Variants in SLC37A3 observed in about 807,000 individuals in gnomAD.
SLC37A3 encodes solute carrier family 37 member 3.
Under a neutral mutation model 67.1 loss-of-function variants are expected in SLC37A3, and 51 were observed. The ratio of observed to expected loss-of-function variants is 0.76; its 90% CI spans 0.61 to 0.96. The LOEUF is 0.96. Ranked by LOEUF, SLC37A3 falls within the 40% of genes least tolerant of loss-of-function variation. The pLI is 0.00. For missense variants in SLC37A3, 508 were observed against 603.0 expected (o/e 0.84, Z 1.65); for synonymous variants, 214 against 231.4 (o/e 0.92, Z 0.68).
intron 2 of SLC37A3, among the ~76,000 whole-genome samples, chr7:140,382,030 A>G (rs1384209847): frequency 6.9e-6 from 1 of 145,432 alleles, no homozygotes; most frequent in African/African-American, 2.5e-5. Flanking sequence ...AAAAAAAAAA[A>G]GTGAGATATG....
In SLC37A3 at chr7:140,374,551, G is replaced by A. The variant is rs528005895; in HGVS notation, c.199-4869C>T. On this transcript the variant is annotated intron_variant, in intron 3 of 14. Transcript: ENST00000326232. ...TTAGAATATTAAAGAGGCCGGGTGC[G>A]GTAGCTCATGCTTATAATCCAACAC... Among the ~76,000 whole-genome samples the A allele has an allele frequency of 7.9e-5, 12 of 151,646 alleles. No homozygotes were observed. In the East Asian group the frequency reaches 9.7e-4, roughly 12 times the overall value.
chr7:140,354,184 TAAAG>T (rs1336960339), intron 7 of SLC37A3, among the ~76,000 whole-genome samples: 1 of 152,234 alleles, frequency 6.6e-6, no homozygotes, highest in Non-Finnish European at 1.5e-5. Flanking sequence ...AATGCCAAAA[TAAAG>T]AATCTTGTAG....
At chr7:140,336,992 G>A (rs750092698) in intron 14 of SLC37A3, among the ~76,000 whole-genome samples, 23 of 151,234 alleles carry the variant, frequency 1.5e-4, no homozygotes, top group African/African-American at 2.4e-4. Flanking sequence ...CCAGCTACTC[G>A]GGAGGCTGAG....
Position 140,343,403 on chromosome 7 carries a change from T to G in SLC37A3, c.1326+9A>C, listed in dbSNP as rs1217221344. ...CACTAGAATCCCAGCCCCTCTCCTG[T>G]TCTCTCACCTGGCCCACTGCAGCTC... On this transcript the variant is annotated intron_variant, in intron 13 of 14. Transcript: ENST00000326232. 6.2e-6 allele frequency: 10 copies of G among 1,612,494 alleles called. No individual in the cohort carries two copies. The South Asian group carries it at 9.9e-5, about 16-fold the overall frequency.
chr7:140,354,457 T>C (rs960993580), intron 7 of SLC37A3, among the ~76,000 whole-genome samples: 45 of 152,122 alleles, frequency 3.0e-4, no homozygotes, highest in African/African-American at 1.1e-3. Context: ...TTAAACAACA[T>C]AGCTTTAATT....
chr7:140,384,250 A>T (rs1798362908), intron 1 of SLC37A3, among the ~76,000 whole-genome samples: 1 of 152,204 alleles, frequency 6.6e-6, no homozygotes, highest in South Asian at 2.1e-4. Flanking sequence ...AATCTAATTA[A>T]CTGTGTTCAC....
chr7:140,387,674 T>TATATATTATATAA (rs1265088084), intron 1 of SLC37A3, among the ~76,000 whole-genome samples: 5 of 95,352 alleles, frequency 5.2e-5, no homozygotes, highest in Non-Finnish European at 1.0e-4. Context: ...AAATATATTA[T>TATATATTATATAA]ATATAAATAT....
chr7:140,337,485 C>T (rs1158692098), intron 13 of SLC37A3, 136 bp from the exon 14 acceptor site: 4 of 661,160 alleles, frequency 6.0e-6, no homozygotes, highest in Non-Finnish European at 9.6e-6. Context: ...GTTTACAAAG[C>T]TCTTCCACAT....
intron 8 of SLC37A3, chr7:140,351,829 A>G (rs957130656): frequency 3.9e-5 from 24 of 623,002 alleles, no homozygotes; most frequent in Non-Finnish European, 6.6e-5. Flanking sequence ...TGCAAATGCG[A>G]AGATTTTCCT....
intron 3 of SLC37A3, among the ~76,000 whole-genome samples, chr7:140,374,706 C>T (rs2129709170): frequency 6.6e-6 from 1 of 151,978 alleles, no homozygotes; most frequent in African/African-American, 2.4e-5. Context: ...ATTAGCTGGG[C>T]ATGGTGGTGC....
At chr7:140,361,597 G>A (rs1207139084) in intron 5 of SLC37A3, among the ~76,000 whole-genome samples, 11 of 143,698 alleles carry the variant, frequency 7.7e-5, no homozygotes, top group African/African-American at 2.6e-4. Context: ...CTCTGATGCC[G>A]AGCCAAAGCT....
intron 10 of SLC37A3, among the ~76,000 whole-genome samples, chr7:140,347,597 A>G (rs1486669220): frequency 6.6e-6 from 1 of 152,232 alleles, no homozygotes; most frequent in Non-Finnish European, 1.5e-5. Context: ...TCACAAGCTC[A>G]CGGCAGTTGA....
At chr7:140,373,503 A>C (rs1797903471) in intron 3 of SLC37A3, among the ~76,000 whole-genome samples, 3 of 152,186 alleles carry the variant, frequency 2.0e-5, no homozygotes, top group Admixed American at 2.0e-4. Flanking sequence ...TTCAGATTCC[A>C]TCACTGGAAC....
intron 13 of SLC37A3, among the ~76,000 whole-genome samples, chr7:140,339,111 C>A (rs575470552): frequency 6.6e-6 from 1 of 152,094 alleles, no homozygotes; most frequent in Non-Finnish European, 1.5e-5. Context: ...CCCTTCATTT[C>A]TTTTTAATGG....
At chr7:140,337,880 T>G (rs1796203188) in intron 13 of SLC37A3, 1 of 152,180 alleles carries the variant, frequency 6.6e-6, no homozygotes, top group Non-Finnish European at 1.5e-5. Context: ...TTACATAAAA[T>G]TTGCCATTTT....
At chr7:140,351,965 T>C (rs1796823401) in intron 8 of SLC37A3, 97 bp downstream of exon 8, 1 of 1,246,360 alleles carries the variant, frequency 8.0e-7, no homozygotes, top group Non-Finnish European at 1.2e-6. Flanking sequence ...GAGCTCAGAG[T>C]TTTCCTAGGA....
chr7:140,371,331 G>A (rs535006940), intron 3 of SLC37A3, among the ~76,000 whole-genome samples: 45 of 152,166 alleles, frequency 3.0e-4, no homozygotes, highest in African/African-American at 9.4e-4. Context: ...GTGCCACCAC[G>A]CCCAGATAAT....
intron 7 of SLC37A3, among the ~76,000 whole-genome samples, chr7:140,352,950 G>C (rs914277199): frequency 6.6e-6 from 1 of 152,090 alleles, no homozygotes. Context: ...CAGCTCAGAA[G>C]GTGAACTGAA....
chr7:140,335,471 T>C lies in SLC37A3; in HGVS notation c.1426A>G (p.Ile476Val), dbSNP rs771884682. Residue 476 changes from isoleucine (I) to valine (V), a missense_variant, in exon 15 of 15, where the codon ATA becomes GTA. Transcript: ENST00000326232. ...ACGAGAGAGAATATTTCCCTCACTATTAATGGCGAGATAAACACAATTGTA... is the reference window on the plus strand; with the variant it reads ...ACGAGAGAGAATATTTCCCTCACTACTAATGGCGAGATAAACACAATTGTA... The part of the protein sequence containing the change: ...SCTIVFISPL[I>V]VREIFSLVLR... 1 of 1,614,140 alleles carries C rather than the reference T, an allele frequency of 6.2e-7. No homozygotes were observed. The highest frequency in any genetic ancestry group is 1.1e-5 in the South Asian group (1 of 91,080).
Sources: gnomAD v4.1 joint callset for allele counts (sites outside exome capture counted in the v4.1 genomes callset) on GRCh38, gnomAD v4.1.1 for gene constraint, MANE v1.5 for transcripts, NCBI Gene and HGNC (gene_info 2026-07-23, HGNC 2026-07-21) for gene names.